PCDH18: variants seen among roughly 807,000 people sequenced by gnomAD.
PCDH18 encodes the protein protocadherin 18, also known as protocadherin-18.
In PCDH18, 38 loss-of-function variants were observed where a neutral mutation model predicts 71.5. The observed-to-expected ratio is 0.53, with a 90% CI of 0.41 to 0.70. The LOEUF (loss-of-function observed/expected upper bound fraction) is 0.70, where lower values mean the gene tolerates loss of function less well. PCDH18 is among the 30% of genes least tolerant of loss of function. The pLI is 0.00. For synonymous variants in PCDH18, 565 were observed against 505.4 expected (o/e 1.12, Z -1.58); for missense variants, 1,334 against 1,384.6 (o/e 0.96, Z 0.58).
At position 137,521,307 on chromosome 4, in the gene PCDH18, C is replaced by G; in HGVS notation, c.3130G>C (p.Ala1044Pro). 6.2e-7 allele frequency: 1 copy of G among 1,614,152 alleles called. No homozygotes were observed. The highest frequency in any genetic ancestry group is 8.5e-7 in the Non-Finnish European group (1 of 1,180,026). ...CCCTGTGGGTAACCCACAGTTTTGG[C>G]TGGCAAGGGTCCCTTCCTGCGCTCC... ...SLERRKGPLP[A>P]KTVGYPQGVA... Residue 1044 changes from alanine (A) to proline (P), a missense_variant, in exon 4 of 4, where the codon GCC becomes CCC. This residue lies in a region of PCDH18 where 319 missense variants were observed against 316.3 expected (regional missense o/e 1.01). Transcript: ENST00000344876.
intron 3 of PCDH18, among the ~76,000 whole-genome samples, chr4:137,526,670 C>G (rs1021971061): frequency 1.3e-5 from 2 of 152,058 alleles, no homozygotes; most frequent in African/African-American, 4.8e-5. Flanking sequence ...AAGTCCCCCC[C>G]ATACGTTCAT....
In PCDH18 at chr4:137,521,350, C is replaced by T. The variant is rs369708653; in HGVS notation, c.3087G>A (p.Val1029=). Reference sequence around the variant, plus strand: ...TGCGCTCCAGGGAGTTGGACCGATCCACCTCACTGCATTCAGAATAGGTGT... The same window carrying T: ...TGCGCTCCAGGGAGTTGGACCGATCTACCTCACTGCATTCAGAATAGGTGT... ...SLDTYSECSE[V]DRSNSLERRK... is the part of the protein sequence containing the mutation. The change falls in exon 4 of 4, where the codon GTG becomes GTA. Residue 1029 remains valine, a synonymous_variant. Coordinates refer to ENST00000344876, the MANE Select transcript of PCDH18 (RefSeq NM_019035.5). The T allele has an allele frequency of 3.7e-6, 6 of 1,614,190 alleles. No individual in the cohort carries two copies. In the Admixed American group the frequency reaches 6.7e-5, roughly 18 times the overall value.
At chr4:137,524,084 A>G (rs1215380501) in intron 3 of PCDH18, among the ~76,000 whole-genome samples, 1 of 152,118 alleles carries the variant, frequency 6.6e-6, no homozygotes, top group Non-Finnish European at 1.5e-5. Flanking sequence ...AATGTTCCAT[A>G]CTATATCCCA....
chr4:137,530,965 A>G lies in PCDH18; in HGVS notation c.1124T>C (p.Ile375Thr), dbSNP rs373149658. 4.0e-5 allele frequency: 65 copies of G among 1,613,610 alleles called. No homozygotes were observed. Among genetic ancestry groups the G allele is most frequent in the African/African-American group, 5.3e-5 (4 of 74,896 alleles). The change falls in exon 1 of 4, where the codon ATT (isoleucine) becomes ACT (threonine). Residue 375 changes from isoleucine to threonine, a missense_variant. Around this residue, in one of 3 missense-constraint regions of PCDH18, gnomAD observed 1,011 missense variants for 1,048.0 expected, o/e 0.96. Coordinates refer to ENST00000344876, the MANE Select transcript of PCDH18 (RefSeq NM_019035.5). ...EISYIFEGDP[I>T]DTFVALVRVQ... is the part of the protein sequence containing the mutation. ...TCTGACCAAAGCAACAAATGTATCA[A>G]TAGGATCCCCTTCAAAAATATAAGA... is the stretch of plus-strand genomic sequence containing the variant.
Position 137,530,310 on chromosome 4 carries a change from C to G in PCDH18, c.1779G>C (p.Gly593=). The change falls in exon 1 of 4, where the codon GGG becomes GGC. Residue 593 remains glycine (G), a synonymous_variant. Transcript: ENST00000344876. ...TTGTGACATGAAAGCCACTTTCAGCCCCTTTGGGAATGGTGATTTCTGCCG... is the reference window on the plus strand; with the variant it reads ...TTGTGACATGAAAGCCACTTTCAGCGCCTTTGGGAATGGTGATTTCTGCCG... ...NNTAEITIPK[G]AESGFHVTRI... 2 of 1,613,422 alleles carry G rather than the reference C, an allele frequency of 1.2e-6. No homozygotes were observed. The highest frequency in any genetic ancestry group is 1.1e-5 in the South Asian group (1 of 90,978).
At position 137,529,618 on chromosome 4, in the gene PCDH18, G is replaced by A; in HGVS notation, c.2471C>T (p.Ala824Val). 6.2e-7 allele frequency: 1 copy of A among 1,602,682 alleles called. No homozygotes were observed. Among genetic ancestry groups the A allele is most frequent in the Non-Finnish European group, 8.5e-7 (1 of 1,172,854 alleles). Residue 824 changes from alanine to valine, a missense_variant, in exon 1 of 4, where the codon GCC (alanine) becomes GTC (valine). By Grantham distance (64) the Ala-to-Val change is moderately conservative (BLOSUM62 0). Transcript: ENST00000344876. ...PENFSLELTHATPAVEQVSQL... is the reference protein window; with the variant it reads ...PENFSLELTHVTPAVEQVSQL... ...TGATCTTACCTCAACAGCAGGAGTG[G>A]CGTGGGTGAGTTCTAATGAGAAATT...
intron 3 of PCDH18, among the ~76,000 whole-genome samples, chr4:137,523,160 G>A (rs1578740246): frequency 6.6e-6 from 1 of 152,242 alleles, no homozygotes; most frequent in East Asian, 1.9e-4. Flanking sequence ...AGTGGAGAAA[G>A]TGTCAACACC....
rs143055456 is a variant in PCDH18, at chr4:137,529,936, A to G, written c.2153T>C (p.Val718Ala). The change falls in exon 1 of 4, where the codon GTG (valine) becomes GCG (alanine). Residue 718 changes from valine to alanine, a missense_variant. Val to Ala is a moderately conservative substitution (Grantham distance 64). Coordinates refer to ENST00000344876, the MANE Select transcript of PCDH18 (RefSeq NM_019035.5). ...AICAVLLVIMVLFATRCNREK... is the reference protein window; with the variant it reads ...AICAVLLVIMALFATRCNREK... ...GCGGTTACACCTAGTTGCAAATAGC[A>G]CCATAATAACCAGCAACACTGCACA... 400 of 1,613,962 alleles carry G rather than the reference A, an allele frequency of 2.5e-4. 1 individual carries two copies. The highest frequency in any genetic ancestry group is 2.5e-4 in the Non-Finnish European group (290 of 1,179,932).
rs1001706073 is a variant in PCDH18 at position 137,532,246 on chromosome 4, T to C, written c.-158A>G. ...ATTAACAGCTCGCAAACTTTTGTTT[T>C]ATACACACCGTGTCACGACTTCCAG... On this transcript the variant is annotated 5_prime_UTR_variant, in exon 1 of 4. It adds an upstream start codon to the 5' untranslated region. Coordinates refer to ENST00000344876, the MANE Select transcript of PCDH18 (RefSeq NM_019035.5). 2.1e-5 allele frequency: 15 copies of C among 722,154 alleles called. No homozygotes were observed. Among genetic ancestry groups the C allele is most frequent in the Non-Finnish European group, 3.8e-5 (15 of 399,042 alleles). 44.7% of individuals were successfully genotyped at this position (722,154 alleles called of 1,614,324 possible). A position where few individuals can be genotyped will look rare whatever the true frequency, so the allele number is the denominator to read the frequency against.
rs1214123904 is a variant in PCDH18, at chr4:137,531,850, T to G, written c.239A>C (p.Asn80Thr). 6.2e-7 allele frequency: 1 copy of G among 1,613,966 alleles called. No homozygotes were observed. Among genetic ancestry groups the G allele is most frequent in the African/African-American group, 1.3e-5 (1 of 74,906 alleles). ...TATGCTGATTTCCCCATTATCCTCGTTTACTACAAGTAGAGGAGAATTTCC... is the reference window on the plus strand; with the variant it reads ...TATGCTGATTTCCCCATTATCCTCGGTTACTACAAGTAGAGGAGAATTTCC... ...QRGNSPLLVVNEDNGEISIGA... is the reference protein window; with the variant it reads ...QRGNSPLLVVTEDNGEISIGA... Residue 80 changes from asparagine to threonine, a missense_variant, in exon 1 of 4, where the codon AAC becomes ACC. Around this residue, in one of 3 missense-constraint regions of PCDH18, gnomAD observed 1,011 missense variants for 1,048.0 expected, o/e 0.96. Transcript: ENST00000344876.
chr4:137,529,496 T>C (rs1300767280), intron 1 of PCDH18, 106 bp downstream of exon 1: 2 of 731,830 alleles, frequency 2.7e-6, no homozygotes, highest in Non-Finnish European at 4.5e-6. Context: ...ATTTGCACAG[T>C]ATTAGTATTG....
Position 137,528,820 on chromosome 4 carries a change from G to T in PCDH18, c.2488C>A (p.Gln830Lys), listed in dbSNP as rs757866837. The T allele has an allele frequency of 8.7e-6, 14 of 1,607,026 alleles. No homozygotes were observed. The East Asian group carries it at 1.3e-4, about 15-fold the overall frequency. The change falls in exon 2 of 4, where the codon CAG becomes AAG. Residue 830 changes from glutamine to lysine, a missense_variant and splice_region_variant. By Grantham distance (53) the Gln-to-Lys change is moderately conservative. Around this residue, in one of 3 missense-constraint regions of PCDH18, gnomAD observed 1,011 missense variants for 1,048.0 expected, o/e 0.96. Transcript: ENST00000344876. ...AGCATTGAAAGAAGCTGAGAGACCT[G>T]CTGGAAACCAAATAGACAGAACTGA... ...ELTHATPAVEQVSQLLSMLHQ... is the reference protein window; with the variant it reads ...ELTHATPAVEKVSQLLSMLHQ...
At position 137,519,440 on chromosome 4, in the gene PCDH18, G is replaced by C. The variant is rs1731225873; in HGVS notation, c.*1589C>G. The C allele has an allele frequency of 6.6e-6, 1 of 151,860 alleles. No homozygotes were observed. Among genetic ancestry groups the C allele is most frequent in the Admixed American group, 6.6e-5 (1 of 15,232 alleles). The allele number at this position is 151,860 out of a possible 1,614,324, so 9.4% of individuals were successfully genotyped here. On this transcript the variant is annotated 3_prime_UTR_variant, in exon 4 of 4. Transcript: ENST00000344876. ...TTTGAAAAATATTCAAGCAATTATT[G>C]CTTGCTTACTCTTTTTTCTTTATTC...
At position 137,530,090 on chromosome 4, in the gene PCDH18, G is replaced by A. The variant is rs1731615041; in HGVS notation, c.1999C>T (p.His667Tyr). The A allele has an allele frequency of 1.2e-6, 2 of 1,613,900 alleles. No individual in the cohort carries two copies. The highest frequency in any genetic ancestry group is 2.2e-5 in the South Asian group (2 of 91,082). ...ATGCACTTCAGAAGGACTTTGGTAT[G>A]TAGCTGAGGATTGCCTTTGTCCTGA... ...IIQDKGNPQL[H>Y]TKVLLKCMIF... is the part of the protein sequence containing the mutation. Residue 667 changes from histidine (H) to tyrosine (Y), a missense_variant, in exon 1 of 4, where the codon CAT becomes TAT. His to Tyr is a moderately conservative substitution (Grantham distance 83). Transcript: ENST00000344876.
Position 137,519,077 on chromosome 4 carries a change from G to A in PCDH18, c.*1952C>T, listed in dbSNP as rs1353503416. The A allele has an allele frequency of 2.6e-5, 4 of 152,154 alleles. No homozygotes were observed. Among genetic ancestry groups the A allele is most frequent in the African/African-American group, 9.7e-5 (4 of 41,436 alleles). The allele number at this position is 152,154 out of a possible 1,614,324, so 9.4% of individuals were successfully genotyped here. ...GTAATATATACTGAAAGGAAGTGAA[G>A]TTGAAAGGCAGAATGCATTTAAATA... On this transcript the variant is annotated 3_prime_UTR_variant, in exon 4 of 4. Transcript: ENST00000344876.
At chr4:137,528,851 G>A (rs376722079) in intron 1 of PCDH18, 31 bp from the exon 2 acceptor site, 498 of 1,459,840 alleles carry the variant, frequency 3.4e-4, no homozygotes, top group Non-Finnish European at 4.2e-4. Flanking sequence ...ACTGATTCCC[G>A]GAAACAAGCC....
At position 137,521,406 on chromosome 4, in the gene PCDH18, C is replaced by A. The variant is rs767933788; in HGVS notation, c.3031G>T (p.Val1011Leu). The part of the protein sequence containing the change: ...TSSLLSEMSS[V>L]FQRLLPPSLD... The stretch of plus-strand genomic sequence containing the variant: ...GAAGGCGGTAAGAGACGCTGGAACA[C>A]ACTGCTCATTTCCGAGAGCAGAGAT... The change falls in exon 4 of 4, where the codon GTG becomes TTG. Residue 1011 changes from valine (V) to leucine (L), a missense_variant. By Grantham distance (32) the Val-to-Leu change is conservative (BLOSUM62 1). Around this residue, in one of 3 missense-constraint regions of PCDH18, gnomAD observed 319 missense variants for 316.3 expected, o/e 1.01. Transcript: ENST00000344876. 2 of 1,614,226 alleles carry A rather than the reference C, an allele frequency of 1.2e-6. No homozygotes were observed. Among genetic ancestry groups the A allele is most frequent in the Admixed American group, 3.3e-5 (2 of 60,026 alleles).
Position 137,530,158 on chromosome 4 carries a change from A to C in PCDH18, c.1931T>G (p.Met644Arg). ...RSCDIHTNVSMDSVPYTEWEL... is the reference protein window; with the variant it reads ...RSCDIHTNVSRDSVPYTEWEL... Reference sequence around the variant, plus strand: ...CCATTCTGTGTAGGGAACAGAATCCATGCTAACGTTGGTATGGATGTCACA... The same window carrying C: ...CCATTCTGTGTAGGGAACAGAATCCCTGCTAACGTTGGTATGGATGTCACA... Residue 644 changes from methionine (M) to arginine (R), a missense_variant, in exon 1 of 4, where the codon ATG (methionine) becomes AGG (arginine). Physicochemically the swap from Met to Arg is moderately conservative, Grantham distance 91. Coordinates refer to ENST00000344876, the MANE Select transcript of PCDH18 (RefSeq NM_019035.5). The C allele has an allele frequency of 6.2e-7, 1 of 1,613,404 alleles. No individual in the cohort carries two copies. The highest frequency in any genetic ancestry group is 8.5e-7 in the Non-Finnish European group (1 of 1,179,536).
At chr4:137,525,146 G>T (rs559117825) in intron 3 of PCDH18, among the ~76,000 whole-genome samples, 1 of 152,036 alleles carries the variant, frequency 6.6e-6, no homozygotes, top group Non-Finnish European at 1.5e-5. Context: ...ATTTTTGCAG[G>T]CATATGCTTA....
Sources: gnomAD v4.1 joint callset for allele counts (sites outside exome capture counted in the v4.1 genomes callset) on GRCh38, gnomAD v4.1.1 for gene constraint, gnomAD v4.1.1 regional missense constraint, MANE v1.5 for transcripts, NCBI Gene and HGNC (gene_info 2026-07-23, HGNC 2026-07-21) for gene names.